ROBO2: variants seen among roughly 807,000 people sequenced by gnomAD.
ROBO2 encodes roundabout homolog 2.
A neutral mutation model predicts 160.8 loss-of-function variants in ROBO2; 53 were observed. That is an observed-to-expected ratio of 0.33 (90% confidence interval 0.26 to 0.41). The LOEUF (loss-of-function observed/expected upper bound fraction) is 0.41. Ranked by LOEUF, ROBO2 falls within the 10% of genes least tolerant of loss-of-function variation. The pLI, the probability that ROBO2 is intolerant of heterozygous loss-of-function variation, is 1.00. For synonymous variants in ROBO2, 664 were observed against 611.7 expected, an observed-to-expected ratio of 1.09 and a Z score of -1.26; for missense variants, 1,577 against 1,722.4, an observed-to-expected ratio of 0.92 and a Z score of 1.49.
At chr3:76,711,065 C>A (rs1005501417) in intron 2 of ROBO2, among the ~76,000 whole-genome samples, 1 of 152,116 alleles carries the variant, frequency 6.6e-6, no homozygotes, top group South Asian at 2.1e-4. Flanking sequence ...TTATTGCTAT[C>A]GCTGCTTTTC....
chr3:77,620,160 C>T (rs1297081641), intron 22 of ROBO2, among the ~76,000 whole-genome samples: 1 of 152,194 alleles, frequency 6.6e-6, no homozygotes, highest in Non-Finnish European at 1.5e-5. Context: ...CCTTGGCTGA[C>T]TCCACATCTG....
At chr3:76,923,377 A>G (rs1305785857) in intron 2 of ROBO2, among the ~76,000 whole-genome samples, 1 of 152,238 alleles carries the variant, frequency 6.6e-6, no homozygotes, top group African/African-American at 2.4e-5. Context: ...CTCTAGAAGG[A>G]TGTACATGTA....
chr3:76,318,967 T>C (rs1004224117), intron 2 of ROBO2, among the ~76,000 whole-genome samples: 1 of 152,088 alleles, frequency 6.6e-6, no homozygotes. Context: ...ACTGGGGATA[T>C]TTTAGCTGTT....
At chr3:76,386,788 G>A (rs1160316522) in intron 2 of ROBO2, among the ~76,000 whole-genome samples, 1 of 152,100 alleles carries the variant, frequency 6.6e-6, no homozygotes, top group Non-Finnish European at 1.5e-5. Context: ...CAAATGCTTT[G>A]CAAGTTCCAA....
intron 2 of ROBO2, among the ~76,000 whole-genome samples, chr3:76,998,671 A>T (rs2061167085): frequency 6.6e-6 from 1 of 152,176 alleles, no homozygotes; most frequent in African/African-American, 2.4e-5. Flanking sequence ...TTGAGTACAA[A>T]AACCCTTCAC....
chr3:77,305,777 C>A (rs569731806), intron 2 of ROBO2, among the ~76,000 whole-genome samples: 2 of 152,298 alleles, frequency 1.3e-5, no homozygotes, highest in East Asian at 3.9e-4. Flanking sequence ...AGACTTCTTT[C>A]ATGGGACAAT....
chr3:77,426,065 T>C (rs2078172031), intron 2 of ROBO2, among the ~76,000 whole-genome samples: 1 of 152,012 alleles, frequency 6.6e-6, no homozygotes, highest in African/African-American at 2.4e-5. Flanking sequence ...GATTACTGTA[T>C]TGAGGTTGGA....
chr3:77,274,374 T>C (rs554103496), intron 2 of ROBO2, among the ~76,000 whole-genome samples: 61 of 152,184 alleles, frequency 4.0e-4, no homozygotes, highest in Non-Finnish European at 7.4e-4. Context: ...TAGCCACTTA[T>C]TAAAATTACA....
intron 2 of ROBO2, among the ~76,000 whole-genome samples, chr3:76,425,219 G>A (rs572389058): frequency 1.7e-4 from 25 of 151,096 alleles, no homozygotes; most frequent in African/African-American, 4.6e-4. Context: ...ATCACCACCC[G>A]TTTACATAGT....
intron 2 of ROBO2, among the ~76,000 whole-genome samples, chr3:76,096,929 A>C (rs961206228): frequency 2.6e-5 from 4 of 152,198 alleles, no homozygotes; most frequent in Non-Finnish European, 5.9e-5. Context: ...AGTTATGGGC[A>C]GACGACTGAC....
chr3:76,843,441 A>C (rs2148485534), intron 2 of ROBO2, among the ~76,000 whole-genome samples: 1 of 152,066 alleles, frequency 6.6e-6, no homozygotes, highest in Non-Finnish European at 1.5e-5. Context: ...TGTTGACAGG[A>C]ATATAGGGCA....
chr3:77,329,085 C>T (rs971215162), intron 2 of ROBO2, among the ~76,000 whole-genome samples: 12 of 152,152 alleles, frequency 7.9e-5, no homozygotes, highest in Non-Finnish European at 5.9e-5. Context: ...CATGCTAATT[C>T]CTGAACAGAG....
At chr3:77,589,527 G>A (rs2094132399) in intron 17 of ROBO2, among the ~76,000 whole-genome samples, 1 of 151,944 alleles carries the variant, frequency 6.6e-6, no homozygotes, top group African/African-American at 2.4e-5. Flanking sequence ...AAAGGAAAAC[G>A]AAGAAAAAGA....
At chr3:77,572,197 T>C (rs903680000) in intron 13 of ROBO2, among the ~76,000 whole-genome samples, 2 of 152,044 alleles carry the variant, frequency 1.3e-5, no homozygotes, top group East Asian at 1.9e-4. Flanking sequence ...GCTATTATTG[T>C]GAGTTATGTC....
intron 13 of ROBO2, among the ~76,000 whole-genome samples, chr3:77,570,031 T>C (rs1357572): frequency 0.022 from 3,394 of 152,056 alleles, 127 homozygotes; most frequent in African/African-American, 0.077. Context: ...GTAGGGGGTA[T>C]TATCTGCCAT....
intron 2 of ROBO2, among the ~76,000 whole-genome samples, chr3:77,010,441 G>C (rs1175244985): frequency 6.6e-6 from 1 of 152,052 alleles, no homozygotes; most frequent in African/African-American, 2.4e-5. Flanking sequence ...AGACATCTCC[G>C]CGTTTATAAT....
intron 1 of ROBO2, among the ~76,000 whole-genome samples, chr3:75,929,715 G>A (rs907722): frequency 0.29 from 43,745 of 151,060 alleles, 7,064 homozygotes; most frequent in South Asian, 0.55. Context: ...TTTTTTTTGA[G>A]ATGGAGTCTT....
At chr3:76,894,369 A>G (rs2074601148) in intron 2 of ROBO2, among the ~76,000 whole-genome samples, 1 of 152,162 alleles carries the variant, frequency 6.6e-6, no homozygotes, top group Non-Finnish European at 1.5e-5. Flanking sequence ...GGCCTGTTTA[A>G]GTCTTAGAAG....
At chr3:76,295,057 G>T (rs989762581) in intron 2 of ROBO2, among the ~76,000 whole-genome samples, 17 of 152,056 alleles carry the variant, frequency 1.1e-4, no homozygotes, top group African/African-American at 2.4e-5. Context: ...TGTCAATAAG[G>T]TCAATTTTAA....
Sources: allele counts gnomAD v4.1 joint callset (sites outside exome capture counted in the v4.1 genomes callset), GRCh38; gene constraint gnomAD v4.1.1; transcripts MANE v1.5; gene names NCBI Gene and HGNC (gene_info 2026-07-23, HGNC 2026-07-21).